NTRK2: variants seen among roughly 807,000 people sequenced by gnomAD.
The protein encoded by NTRK2 is BDNF/NT-3 growth factors receptor.
Under a neutral mutation model 94.5 loss-of-function variants are expected in NTRK2, and 13 were observed. The observed-to-expected ratio is 0.14, with a 90% CI of 0.09 to 0.22. The LOEUF is 0.22. Ranked by LOEUF, NTRK2 falls within the 10% of genes least tolerant of loss-of-function variation. The pLI is 1.00. For missense variants in NTRK2, 639 were observed against 1,071.2 expected, an observed-to-expected ratio of 0.60 and a Z score of 5.63; for synonymous variants, 372 against 407.4, an observed-to-expected ratio of 0.91 and a Z score of 1.05.
chr9:84,673,291 A>C (rs984496805), intron 2 of NTRK2, among the ~76,000 whole-genome samples: 1 of 152,182 alleles, frequency 6.6e-6, no homozygotes, highest in Non-Finnish European at 1.5e-5. Context: ...TCCTTATATG[A>C]CACCATCTAT....
In NTRK2 at chr9:85,024,248, G is replaced by T; in HGVS notation, c.*2811G>T. On this transcript the variant is annotated 3_prime_UTR_variant, in exon 19 of 19. Transcript: ENST00000277120. ...AGAATATCTGAAATTATTCATTGTT[G>T]TTCCTCCACCACCCCCTTTCTCATG... 1 of 232,622 alleles carries T rather than the reference G, an allele frequency of 4.3e-6. No homozygotes were observed. The highest frequency in any genetic ancestry group is 8.5e-6 in the Non-Finnish European group (1 of 117,704). The allele number at this position is 232,622 out of a possible 1,614,324, so 14.4% of individuals were successfully genotyped here. A position where few individuals can be genotyped will look rare whatever the true frequency, so the allele number is the denominator to read the frequency against.
intron 17 of NTRK2, among the ~76,000 whole-genome samples, chr9:84,997,266 G>T (rs1049960815): frequency 6.6e-6 from 1 of 152,180 alleles, no homozygotes; most frequent in African/African-American, 2.4e-5. Flanking sequence ...GGCAAAGCTG[G>T]TCTCTGAGAC....
At position 84,771,037 on chromosome 9, in the gene NTRK2, T is replaced by G. The variant is rs372226521; in HGVS notation, c.1396+18952T>G. ...TCTCTTTAGGAAGAGATAAAATACA[T>G]TAGAAAATGCCAGACTTAATTTCCC... On this transcript the variant is annotated intron_variant, in intron 12 of 18. Coordinates refer to ENST00000277120, the MANE Select transcript of NTRK2 (RefSeq NM_006180.6). Among the ~76,000 whole-genome samples, 7 of 152,360 alleles carry G rather than the reference T, an allele frequency of 4.6e-5. No individual in the cohort carries two copies. In the East Asian group the frequency reaches 1.2e-3, roughly 25 times the overall value.
chr9:84,990,401 A>G (rs927166537), intron 17 of NTRK2, among the ~76,000 whole-genome samples: 3 of 152,126 alleles, frequency 2.0e-5, no homozygotes, highest in African/African-American at 7.2e-5. Flanking sequence ...CTCTGCACTG[A>G]TTGCTCCATC....
intron 17 of NTRK2, among the ~76,000 whole-genome samples, chr9:85,019,466 T>G (rs1341140353): frequency 1.3e-5 from 2 of 152,236 alleles, no homozygotes; most frequent in East Asian, 1.9e-4. Flanking sequence ...AATTTTACTT[T>G]GTCAAAGAAA....
At chr9:84,800,350 C>T (rs1054376217) in intron 12 of NTRK2, among the ~76,000 whole-genome samples, 2 of 152,034 alleles carry the variant, frequency 1.3e-5, no homozygotes, top group African/African-American at 2.4e-5. Context: ...ATTACAGGCA[C>T]CTGCCATCAC....
chr9:84,812,007 A>G (rs2071858108), intron 12 of NTRK2: 1 of 1,048,708 alleles, frequency 9.5e-7, no homozygotes, highest in African/African-American at 1.7e-5. Context: ...TGACAGTTAG[A>G]CATGCACACA....
At chr9:84,760,975 G>A (rs981898766) in intron 12 of NTRK2, among the ~76,000 whole-genome samples, 2 of 152,222 alleles carry the variant, frequency 1.3e-5, no homozygotes, top group Non-Finnish European at 2.9e-5. Flanking sequence ...TTATGCAATA[G>A]ATTGTCATTT....
intron 17 of NTRK2, 93 bp downstream of exon 17, chr9:84,955,610 C>A: frequency 9.5e-7 from 1 of 1,054,068 alleles, no homozygotes; most frequent in East Asian, 2.5e-5. Flanking sequence ...AACAAAATAT[C>A]ATGACTGGGT....
chr9:84,834,755 A>T (rs1211883519), intron 12 of NTRK2, among the ~76,000 whole-genome samples: 1 of 152,146 alleles, frequency 6.6e-6, no homozygotes, highest in Non-Finnish European at 1.5e-5. Flanking sequence ...TTACTCATAC[A>T]CAGGGCCACC....
At chr9:84,840,795 A>G (rs1279862532) in intron 12 of NTRK2, among the ~76,000 whole-genome samples, 2 of 152,012 alleles carry the variant, frequency 1.3e-5, no homozygotes, top group Non-Finnish European at 2.9e-5. Context: ...TAATTCCCTC[A>G]AATCAAGCTT....
intron 2 of NTRK2, among the ~76,000 whole-genome samples, chr9:84,694,948 C>T (rs1187342): frequency 0.5 from 74,566 of 149,904 alleles, 19,195 homozygotes; most frequent in East Asian, 0.6. Context: ...GAGACCAAGG[C>T]GGGTGGATCA....
At chr9:84,821,497 A>AT (rs1222902486) in intron 12 of NTRK2, among the ~76,000 whole-genome samples, 1 of 152,120 alleles carries the variant, frequency 6.6e-6, no homozygotes, top group African/African-American at 2.4e-5. Flanking sequence ...TCCATGTTGT[A>AT]TTTTTTGCTC....
At position 84,723,561 on chromosome 9, in the gene NTRK2, C is replaced by G. The variant is rs200473371; in HGVS notation, c.584-12C>G. 61 of 1,613,952 alleles carry G rather than the reference C, an allele frequency of 3.8e-5. No homozygotes were observed. The East Asian group carries it at 8.5e-4, about 22-fold the overall frequency. On this transcript the variant is annotated splice_polypyrimidine_tract_variant and intron_variant, in intron 6 of 18. Coordinates refer to ENST00000277120, the MANE Select transcript of NTRK2 (RefSeq NM_006180.6). ...TTTGCATATGCCTCTGTTTACTTTT[C>G]TTGTTCCATAGGTTTGCCATCTGCA...
chr9:85,001,602 G>A (rs990581468), intron 17 of NTRK2, among the ~76,000 whole-genome samples: 1 of 152,236 alleles, frequency 6.6e-6, no homozygotes, highest in African/African-American at 2.4e-5. Flanking sequence ...GTAGCAGAGA[G>A]AGGGAGAAAG....
chr9:85,022,208 G>C lies in NTRK2; in HGVS notation c.*771G>C, dbSNP rs199992885. ...CTGTTAGCTGGGAAGAATGTATTCGGCACCTTCCCCTGAGGACCTTTCTGA... is the reference window on the plus strand; with the variant it reads ...CTGTTAGCTGGGAAGAATGTATTCGCCACCTTCCCCTGAGGACCTTTCTGA... On this transcript the variant is annotated 3_prime_UTR_variant, in exon 19 of 19. Transcript: ENST00000277120. 4.3e-6 allele frequency: 1 copy of C among 233,122 alleles called. No homozygotes were observed. Among genetic ancestry groups the C allele is most frequent in the Non-Finnish European group, 8.5e-6 (1 of 118,066 alleles). 14.4% of individuals were successfully genotyped at this position (233,122 alleles called of 1,614,324 possible).
At chr9:84,901,204 G>GTTTTGTTTTATTTTA (rs746060791) in intron 14 of NTRK2, among the ~76,000 whole-genome samples, 54 of 138,350 alleles carry the variant, frequency 3.9e-4, no homozygotes, top group Non-Finnish European at 6.7e-4. Context: ...GTTTTGTTTT[G>GTTTTGTTTTATTTTA]TTTTATTTTA....
At chr9:84,919,696 C>T (rs2077502155) in intron 14 of NTRK2, among the ~76,000 whole-genome samples, 1 of 152,194 alleles carries the variant, frequency 6.6e-6, no homozygotes, top group South Asian at 2.1e-4. Context: ...TAATATTTAA[C>T]TTAAGTTGAA....
chr9:84,916,323 GC>G (rs1213401661), intron 14 of NTRK2, among the ~76,000 whole-genome samples: 1 of 152,134 alleles, frequency 6.6e-6, no homozygotes, highest in Non-Finnish European at 1.5e-5. Context: ...TCAGAAGAGA[GC>G]TAAAATATAG....
Sources: allele counts gnomAD v4.1 joint callset (sites outside exome capture counted in the v4.1 genomes callset), GRCh38; gene constraint gnomAD v4.1.1; transcripts MANE v1.5; gene names NCBI Gene and HGNC (gene_info 2026-07-23, HGNC 2026-07-21).